Variants in NRG3 observed in about 807,000 individuals in gnomAD.
NRG3 encodes the protein pro-neuregulin-3, membrane-bound isoform.
NRG3 carries 31 observed loss-of-function variants against 66.9 expected under a neutral mutation model. That is an observed-to-expected ratio of 0.46 (90% CI 0.35 to 0.63). The LOEUF (loss-of-function observed/expected upper bound fraction) is 0.63, where lower values mean the gene tolerates loss of function less well. Among genes scored for constraint, NRG3 ranks in the 20% least tolerant of loss-of-function variants. The pLI is 0.00. For synonymous variants in NRG3, 393 were observed against 359.4 expected (o/e 1.09, Z -1.06); for missense variants, 910 against 878.9 (o/e 1.04, Z -0.45).
At chr10:82,208,542 A>G (rs2075241502) in intron 1 of NRG3, among the ~76,000 whole-genome samples, 1 of 152,162 alleles carries the variant, frequency 6.6e-6, no homozygotes, top group Admixed American at 6.6e-5. Flanking sequence ...TACAAAGAGC[A>G]TCCTATAAAA....
chr10:82,585,414 G>T (rs548772349), intron 2 of NRG3, among the ~76,000 whole-genome samples: 4 of 152,106 alleles, frequency 2.6e-5, no homozygotes. Context: ...AGTTTCCCCA[G>T]AACTTAATCA....
At chr10:82,902,265 G>A (rs1406149119) in intron 4 of NRG3, among the ~76,000 whole-genome samples, 6 of 152,150 alleles carry the variant, frequency 3.9e-5, no homozygotes, top group African/African-American at 7.2e-5. Flanking sequence ...AAGAGGGAAT[G>A]TTTGAAGATC....
intron 2 of NRG3, among the ~76,000 whole-genome samples, chr10:82,628,825 G>A (rs776234812): frequency 1.4e-4 from 21 of 152,096 alleles, no homozygotes; most frequent in Non-Finnish European, 2.4e-4. Context: ...GCTTCAATAT[G>A]GAAGGAGGAT....
In NRG3 at chr10:82,460,900, T is replaced by C. The variant is rs185529729; in HGVS notation, c.953+102032T>C. Among the ~76,000 whole-genome samples the C allele has an allele frequency of 3.9e-5, 6 of 152,320 alleles. No homozygotes were observed. In the East Asian group the frequency reaches 1.2e-3, roughly 29 times the overall value. Reference sequence around the variant, plus strand: ...GACGTATGCATTATTTCCTTCTCCATTTGTCATATGGATTGCCTAATATTT... The same window carrying C: ...GACGTATGCATTATTTCCTTCTCCACTTGTCATATGGATTGCCTAATATTT... On this transcript the variant is annotated intron_variant, in intron 2 of 8. Coordinates refer to ENST00000372141, the MANE Select transcript of NRG3 (RefSeq NM_001010848.4).
At chr10:82,407,382 G>A (rs1564886920) in intron 2 of NRG3, among the ~76,000 whole-genome samples, 1 of 152,076 alleles carries the variant, frequency 6.6e-6, no homozygotes, top group Non-Finnish European at 1.5e-5. Context: ...AAATGGAAGG[G>A]CAAAGTGGTG....
intron 1 of NRG3, among the ~76,000 whole-genome samples, chr10:81,917,427 A>C (rs1448069106): frequency 6.6e-6 from 1 of 152,220 alleles, no homozygotes; most frequent in Non-Finnish European, 1.5e-5. Context: ...ATATGTTTCA[A>C]ATAGATGAAC....
In NRG3 at chr10:82,408,083, GACAGAA is replaced by G. The variant is rs574949773; in HGVS notation, c.953+49217_953+49222del. Among the ~76,000 whole-genome samples, 548 of 106,214 alleles carry G rather than the reference GACAGAA, an allele frequency of 5.2e-3. 4 individuals are homozygous for G. The highest frequency in any genetic ancestry group is 0.013 in the Middle Eastern group (3 of 224). The allele number at this position is 106,214 out of a possible 152,430, so 69.7% of individuals were successfully genotyped here. On this transcript the variant is annotated intron_variant, in intron 2 of 8. Coordinates refer to ENST00000372141, the MANE Select transcript of NRG3 (RefSeq NM_001010848.4). ...AGAGAGAGAGAGAGAGAGAGAGAGA[GACAGAA>G]AGAAAGAAAGAAAGAAAGAAAGAAA...
chr10:82,204,522 A>T (rs1589305549), intron 1 of NRG3, among the ~76,000 whole-genome samples: 1 of 152,170 alleles, frequency 6.6e-6, no homozygotes, highest in East Asian at 1.9e-4. Flanking sequence ...CTTTACTGGC[A>T]GCATGTTCCT....
intron 3 of NRG3, among the ~76,000 whole-genome samples, chr10:82,856,386 CT>C (rs2063802900): frequency 6.6e-6 from 1 of 152,040 alleles, no homozygotes; most frequent in Non-Finnish European, 1.5e-5. Flanking sequence ...ACAGAAGCTT[CT>C]TTTTTTAATT....
intron 2 of NRG3, among the ~76,000 whole-genome samples, chr10:82,570,400 A>G (rs1447109753): frequency 6.6e-6 from 1 of 151,660 alleles, no homozygotes; most frequent in Non-Finnish European, 1.5e-5. Flanking sequence ...TCAATTAAAT[A>G]TATATTTTTC....
intron 2 of NRG3, among the ~76,000 whole-genome samples, chr10:82,656,168 T>C (rs1337883223): frequency 6.6e-6 from 1 of 152,154 alleles, no homozygotes; most frequent in Non-Finnish European, 1.5e-5. Context: ...TTTTTTTAAT[T>C]ACACAAGTTA....
intron 1 of NRG3, among the ~76,000 whole-genome samples, chr10:82,312,765 C>T (rs1056756585): frequency 1.3e-5 from 2 of 151,818 alleles, no homozygotes; most frequent in African/African-American, 4.8e-5. Flanking sequence ...ATTACAACTC[C>T]CTTAGAGCTT....
intron 3 of NRG3, among the ~76,000 whole-genome samples, chr10:82,765,631 A>G (rs1033230828): frequency 6.6e-6 from 1 of 152,178 alleles, no homozygotes; most frequent in Non-Finnish European, 1.5e-5. Flanking sequence ...GCCATAACAA[A>G]CAATCAATTC....
intron 1 of NRG3, among the ~76,000 whole-genome samples, chr10:82,284,882 G>T (rs2134494720): frequency 6.6e-6 from 1 of 152,020 alleles, no homozygotes; most frequent in East Asian, 1.9e-4. Context: ...TTCCAATACT[G>T]TATGCATTTT....
intron 3 of NRG3, among the ~76,000 whole-genome samples, chr10:82,775,675 G>T (rs2059887086): frequency 6.6e-6 from 1 of 151,936 alleles, no homozygotes; most frequent in Non-Finnish European, 1.5e-5. Context: ...TTTCTAACTG[G>T]CTGATCTATT....
chr10:82,913,407 C>T (rs2131991251), intron 4 of NRG3, among the ~76,000 whole-genome samples: 1 of 152,126 alleles, frequency 6.6e-6, no homozygotes, highest in South Asian at 2.1e-4. Flanking sequence ...CTCCCTTTCC[C>T]TAAGTAGGTC....
At chr10:82,967,543 G>A (rs1417632529) in intron 6 of NRG3, among the ~76,000 whole-genome samples, 1 of 152,110 alleles carries the variant, frequency 6.6e-6, no homozygotes, top group Non-Finnish European at 1.5e-5. Flanking sequence ...GGTGCATTTG[G>A]GCGGTAGTTT....
intron 1 of NRG3, among the ~76,000 whole-genome samples, chr10:82,349,291 C>A (rs965221489): frequency 2.0e-5 from 3 of 151,974 alleles, no homozygotes; most frequent in Non-Finnish European, 4.4e-5. Flanking sequence ...ACAGACGGGA[C>A]CCTCAGCTGC....
At chr10:81,877,563 T>C in intron 1 of NRG3, 1 of 525,932 alleles carries the variant, frequency 1.9e-6, no homozygotes, top group Non-Finnish European at 2.5e-6. Context: ...ACTTAACCCT[T>C]GAAACTTTTT....
Sources: gnomAD v4.1 joint callset for allele counts (sites outside exome capture counted in the v4.1 genomes callset) on GRCh38, gnomAD v4.1.1 for gene constraint, MANE v1.5 for transcripts, NCBI Gene and HGNC (gene_info 2026-07-23, HGNC 2026-07-21) for gene names.